IFNAR2: variants seen among roughly 807,000 people sequenced by gnomAD.
IFNAR2 encodes the protein interferon alpha/beta receptor 2.
In IFNAR2, 30 loss-of-function variants were observed where a neutral mutation model predicts 49.4. That is an observed-to-expected ratio of 0.61 (90% CI 0.45 to 0.82). The LOEUF is 0.82. Ranked by LOEUF, IFNAR2 falls within the 40% of genes least tolerant of loss-of-function variation. The pLI is 0.00. For synonymous variants in IFNAR2, 224 were observed against 234.5 expected, an observed-to-expected ratio of 0.96 and a Z score of 0.41; for missense variants, 600 against 622.7, an observed-to-expected ratio of 0.96 and a Z score of 0.39.
chr21:33,247,495 C>T (rs924124865), intron 5 of IFNAR2, among the ~76,000 whole-genome samples: 1 of 152,026 alleles, frequency 6.6e-6, no homozygotes, highest in Non-Finnish European at 1.5e-5. Context: ...AGTGATCCAC[C>T]CGCCTCAGCC....
In IFNAR2 at chr21:33,254,163, C is replaced by T. The variant is rs1284175445; in HGVS notation, c.709+1333C>T. Among the ~76,000 whole-genome samples the T allele has an allele frequency of 3.3e-5, 5 of 152,238 alleles. No individual in the cohort carries two copies. The East Asian group carries it at 9.6e-4, about 29-fold the overall frequency. On this transcript the variant is annotated intron_variant, in intron 7 of 8. Transcript: ENST00000342136. ...CCCCCAACCAACTGAATGGATCCCT[C>T]CTCTCAGCCAAGGGCCGAGTAAAGT... is the stretch of plus-strand genomic sequence containing the variant.
intron 1 of IFNAR2, among the ~76,000 whole-genome samples, chr21:33,235,697 C>T (rs1273335742): frequency 2.6e-5 from 4 of 152,264 alleles, no homozygotes; most frequent in African/African-American, 9.6e-5. Context: ...GAGGCCAAGT[C>T]AGGTGGATCA....
At chr21:33,253,688 C>T (rs376376517) in intron 7 of IFNAR2, among the ~76,000 whole-genome samples, 13 of 152,270 alleles carry the variant, frequency 8.5e-5, no homozygotes, top group African/African-American at 3.1e-4. Flanking sequence ...GCTGGTTGCC[C>T]ATTTTTATGA....
intron 6 of IFNAR2, among the ~76,000 whole-genome samples, chr21:33,250,530 T>G (rs1200871068): frequency 6.6e-6 from 1 of 151,988 alleles, no homozygotes; most frequent in East Asian, 1.9e-4. Flanking sequence ...TCTGCATATA[T>G]TTTGGGTTTT....
chr21:33,237,110 T>TGTGTGTGTGTGTGTGTG (rs1439441197), intron 1 of IFNAR2, among the ~76,000 whole-genome samples: 1 of 148,504 alleles, frequency 6.7e-6, no homozygotes, highest in African/African-American at 2.5e-5. Context: ...TGTGTGTGTG[T>TGTGTGTGTGTGTGTGTG]TTTCTCGGCT....
intron 7 of IFNAR2, among the ~76,000 whole-genome samples, chr21:33,258,860 G>A (rs1276216409): frequency 6.6e-6 from 1 of 152,162 alleles, no homozygotes; most frequent in Non-Finnish European, 1.5e-5. Context: ...GTTGCTCTCC[G>A]TGATCTGACG....
chr21:33,233,289 C>G (rs1227634529), intron 1 of IFNAR2, among the ~76,000 whole-genome samples: 1 of 152,040 alleles, frequency 6.6e-6, no homozygotes, highest in African/African-American at 2.4e-5. Context: ...AAGAAAGAAG[C>G]TATTATGAAA....
At chr21:33,253,069 G>T (rs1257346006) in intron 7 of IFNAR2, among the ~76,000 whole-genome samples, 3 of 152,180 alleles carry the variant, frequency 2.0e-5, no homozygotes, top group Non-Finnish European at 4.4e-5. Flanking sequence ...TCTTGAAATG[G>T]AAACGCTTTT....
At chr21:33,252,426 G>A (rs1038619559) in intron 6 of IFNAR2, 10 of 979,966 alleles carry the variant, frequency 1.0e-5, no homozygotes, top group African/African-American at 8.7e-5. Context: ...AAATGAAGGC[G>A]CTAGACTAGA....
intron 1 of IFNAR2, among the ~76,000 whole-genome samples, chr21:33,238,104 A>G (rs1196529529): frequency 1.3e-5 from 2 of 152,144 alleles, no homozygotes; most frequent in African/African-American, 2.4e-5. Flanking sequence ...ATCATCAAAC[A>G]TCTCGGCTGA....
intron 1 of IFNAR2, among the ~76,000 whole-genome samples, chr21:33,233,649 G>A (rs1481831014): frequency 3.3e-5 from 5 of 152,134 alleles, no homozygotes; most frequent in East Asian, 1.9e-4. Context: ...AAACTTTTCC[G>A]AGGGGCATAT....
rs1988835992 is a variant in IFNAR2, at chr21:33,264,319, A to T, written c.*819A>T. On this transcript the variant is annotated 3_prime_UTR_variant, in exon 9 of 9. Transcript: ENST00000342136. The stretch of plus-strand genomic sequence containing the variant: ...CTGCACAAGGAAACAGGGAAGAGCC[A>T]TCGAAGTTTCAGTCGGTGAGCCTTG... The T allele has an allele frequency of 6.6e-6, 1 of 152,188 alleles. No homozygotes were observed. The highest frequency in any genetic ancestry group is 1.5e-5 in the Non-Finnish European group (1 of 68,054). 9.4% of individuals were successfully genotyped at this position (152,188 alleles called of 1,614,324 possible).
At chr21:33,244,928 G>C (rs1307316627) in intron 3 of IFNAR2, 23 bp from the exon 4 acceptor site, 13 of 1,612,346 alleles carry the variant, frequency 8.1e-6, no homozygotes, top group Non-Finnish European at 9.3e-6. Context: ...AAATTTCAAT[G>C]CCCTTTTTCT....
At chr21:33,257,237 G>C (rs954662206) in intron 7 of IFNAR2, among the ~76,000 whole-genome samples, 1 of 152,198 alleles carries the variant, frequency 6.6e-6, no homozygotes, top group African/African-American at 2.4e-5. Context: ...TCCGGAGTTG[G>C]TTCCTGCCAA....
In IFNAR2 at chr21:33,243,782, G is replaced by A. The variant is rs1321805375; in HGVS notation, c.97+68G>A. On this transcript the variant is annotated intron_variant, in intron 3 of 8. Coordinates refer to ENST00000342136, the MANE Select transcript of IFNAR2 (RefSeq NM_001289125.3). ...GAAAGTGTTGGGGCAACCATTCAGA[G>A]GTATAAAATGTGGGAGATTTGATTT... 3.7e-6 allele frequency: 4 copies of A among 1,078,324 alleles called. No individual in the cohort carries two copies. In the African/African-American group the frequency reaches 6.2e-5, roughly 17 times the overall value. 66.8% of individuals were successfully genotyped at this position (1,078,324 alleles called of 1,614,324 possible).
At chr21:33,252,984 G>A (rs908674077) in intron 7 of IFNAR2, 154 bp downstream of exon 7, 20 of 707,222 alleles carry the variant, frequency 2.8e-5, no homozygotes, top group Middle Eastern at 2.8e-4. Flanking sequence ...GTTGGTTCGT[G>A]TGTATGATCT....
chr21:33,251,738 C>G (rs1452713839), intron 6 of IFNAR2: 6 of 985,230 alleles, frequency 6.1e-6, no homozygotes, highest in Non-Finnish European at 7.2e-6. Context: ...TTCATATCAT[C>G]TTTTAAATTC....
chr21:33,262,647 A>G, intron 8 of IFNAR2, 146 bp from the exon 9 acceptor site: 1 of 1,155,280 alleles, frequency 8.7e-7, no homozygotes, highest in Non-Finnish European at 1.3e-6. Flanking sequence ...CTGAGCTCAA[A>G]CAGTCGTCCT....
intron 7 of IFNAR2, 22 bp from the exon 8 acceptor site, chr21:33,260,575 T>G (rs764771868): frequency 2.7e-5 from 43 of 1,577,752 alleles, no homozygotes; most frequent in Non-Finnish European, 1.3e-5. Context: ...TGAAATAAAG[T>G]CATTTAATTT....
Sources: gnomAD v4.1 joint callset for allele counts (sites outside exome capture counted in the v4.1 genomes callset) on GRCh38, gnomAD v4.1.1 for gene constraint, MANE v1.5 for transcripts, NCBI Gene and HGNC (gene_info 2026-07-23, HGNC 2026-07-21) for gene names.